WNT3A: variants seen among roughly 807,000 people sequenced by gnomAD.
The protein encoded by WNT3A is Wnt family member 3A.
In WNT3A, 17 loss-of-function variants were observed where a neutral mutation model predicts 37.0. That is an observed-to-expected ratio of 0.46 (90% CI 0.31 to 0.69). The LOEUF (loss-of-function observed/expected upper bound fraction) is 0.69. Among genes scored for constraint, WNT3A ranks in the 30% least tolerant of loss-of-function variants. WNT3A has a pLI of 0.05. For missense variants in WNT3A, 411 were observed against 510.2 expected (o/e 0.81, Z 1.87); for synonymous variants, 187 against 211.0 (o/e 0.89, Z 0.99).
intron 3 of WNT3A, among the ~76,000 whole-genome samples, chr1:228,056,045 A>G (rs1021592711): frequency 1.3e-5 from 2 of 152,238 alleles, no homozygotes; most frequent in African/African-American, 4.8e-5. Flanking sequence ...AGGATGGAAG[A>G]TTCTGCTCTG....
At position 228,060,572 on chromosome 1, in the gene WNT3A, G is replaced by C. The variant is rs2031783809; in HGVS notation, c.*1107G>C. ...CTCCCAAAGAGGCCCGCCCTGCCCG[G>C]GCTCCCACACCGTCAGGTACTCCTG... On this transcript the variant is annotated 3_prime_UTR_variant, in exon 4 of 4. Coordinates refer to ENST00000284523, the MANE Select transcript of WNT3A (RefSeq NM_033131.4). 1 of 257,540 alleles carries C rather than the reference G, an allele frequency of 3.9e-6. No homozygotes were observed. Among genetic ancestry groups the C allele is most frequent in the Non-Finnish European group, 7.9e-6 (1 of 126,630 alleles). The allele number at this position is 257,540 out of a possible 1,614,324, so 16.0% of individuals were successfully genotyped here.
At chr1:228,048,097 C>T (rs576301355) in intron 2 of WNT3A, among the ~76,000 whole-genome samples, 2 of 152,288 alleles carry the variant, frequency 1.3e-5, no homozygotes, top group African/African-American at 4.8e-5. Context: ...CCATTGCAGG[C>T]CTCTGCCAAG....
intron 2 of WNT3A, among the ~76,000 whole-genome samples, chr1:228,027,979 T>C (rs1471605224): frequency 2.0e-5 from 3 of 152,226 alleles, no homozygotes; most frequent in African/African-American, 7.2e-5. Flanking sequence ...TCCAGTTTCA[T>C]TCACCTACAT....
chr1:228,046,776 G>C (rs1419368102), intron 2 of WNT3A, among the ~76,000 whole-genome samples: 1 of 150,062 alleles, frequency 6.7e-6, no homozygotes, highest in African/African-American at 2.5e-5. Flanking sequence ...GGGTGTGCAT[G>C]TGTGTGCATG....
chr1:228,055,105 G>T (rs1246384319), intron 3 of WNT3A, among the ~76,000 whole-genome samples: 1 of 137,358 alleles, frequency 7.3e-6, no homozygotes, highest in East Asian at 2.1e-4. Context: ...TTACACTCCA[G>T]CCTGGGCAGT....
chr1:228,036,761 G>A (rs561909451), intron 2 of WNT3A, among the ~76,000 whole-genome samples: 13 of 152,194 alleles, frequency 8.5e-5, no homozygotes, highest in Non-Finnish European at 1.8e-4. Flanking sequence ...TTGACCCCTG[G>A]CAAGGTAAAG....
rs2030272323 is a variant in WNT3A, at chr1:228,008,531, C to G, written c.71+1332C>G. 6.6e-6 allele frequency among the ~76,000 whole-genome samples: 1 copy of G among 152,128 alleles called. No individual in the cohort carries two copies. Among genetic ancestry groups the G allele is most frequent in the Admixed American group, 6.5e-5 (1 of 15,288 alleles). On this transcript the variant is annotated intron_variant, in intron 1 of 3. Coordinates refer to ENST00000284523, the MANE Select transcript of WNT3A (RefSeq NM_033131.4). The surrounding 1 kb of genome is among the most constrained non-coding windows in gnomAD (Gnocchi z 4.9). ...GCGCTTCGGGGACCCCCGCGCGCCC[C>G]TATTTCCGCGTGCCCCATTTCCCGT...
rs1348464766 is a variant in WNT3A at position 228,008,791 on chromosome 1, C to T, written c.71+1592C>T. ...CCCGCGCCCTTCCCATAAATGTCGC[C>T]AGCCTCCTGGCAACCCCGCGCCCTA... is the stretch of plus-strand genomic sequence containing the variant. On this transcript the variant is annotated intron_variant, in intron 1 of 3. Coordinates refer to ENST00000284523, the MANE Select transcript of WNT3A (RefSeq NM_033131.4). The surrounding 1 kb of genome is among the most constrained non-coding windows in gnomAD (Gnocchi z 4.9). 6.6e-6 allele frequency among the ~76,000 whole-genome samples: 1 copy of T among 152,166 alleles called. No individual in the cohort carries two copies. Among genetic ancestry groups the T allele is most frequent in the African/African-American group, 2.4e-5 (1 of 41,450 alleles).
chr1:228,037,640 T>TCGGA lies in WNT3A; in HGVS notation c.314-13015_314-13012dup, dbSNP rs1255315451. On this transcript the variant is annotated intron_variant, in intron 2 of 3. Coordinates refer to ENST00000284523, the MANE Select transcript of WNT3A (RefSeq NM_033131.4). The surrounding 1 kb of genome is among the most constrained non-coding windows in gnomAD (Gnocchi z 4.1). ...AGGTTGCGACCCCTGACCCCCCCCA[T>TCGGA]CGGAAAGTGTTGCCGTTTAAGATGC... 6.6e-6 allele frequency among the ~76,000 whole-genome samples: 1 copy of TCGGA among 152,060 alleles called. No homozygotes were observed. The highest frequency in any genetic ancestry group is 2.4e-5 in the African/African-American group (1 of 41,422).
At chr1:228,016,185 C>T (rs915895081) in intron 1 of WNT3A, among the ~76,000 whole-genome samples, 1 of 152,132 alleles carries the variant, frequency 6.6e-6, no homozygotes, top group Non-Finnish European at 1.5e-5. Context: ...GGACTCAACC[C>T]AAGGGAGCCC....
intron 3 of WNT3A, among the ~76,000 whole-genome samples, chr1:228,054,921 C>T (rs964674102): frequency 1.2e-4 from 16 of 129,846 alleles, no homozygotes; most frequent in Non-Finnish European, 1.3e-4. Context: ...TTTGGGAGGC[C>T]GAGGCGAGTT....
In WNT3A at chr1:228,060,391, G is replaced by A; in HGVS notation, c.*926G>A. Reference sequence around the variant, plus strand: ...TTTGGAATGCTCCAGGCGCGCCGACGCCTGTGCCACCCCTTCCTCAGCCTG... The same window carrying A: ...TTTGGAATGCTCCAGGCGCGCCGACACCTGTGCCACCCCTTCCTCAGCCTG... On this transcript the variant is annotated 3_prime_UTR_variant, in exon 4 of 4. Coordinates refer to ENST00000284523, the MANE Select transcript of WNT3A (RefSeq NM_033131.4). The A allele has an allele frequency of 9.6e-7, 1 of 1,038,124 alleles. No individual in the cohort carries two copies. Among genetic ancestry groups the A allele is most frequent in the South Asian group, 1.3e-5 (1 of 76,032 alleles). The allele number at this position is 1,038,124 out of a possible 1,614,324, so 64.3% of individuals were successfully genotyped here. A position where few individuals can be genotyped will look rare whatever the true frequency, so the allele number is the denominator to read the frequency against.
intron 3 of WNT3A, among the ~76,000 whole-genome samples, chr1:228,054,470 CA>C (rs752968369): frequency 6.6e-6 from 1 of 150,420 alleles, no homozygotes; most frequent in Admixed American, 6.6e-5. Context: ...TAAAAAATAA[CA>C]AAAAAAATTA....
At chr1:228,015,485 G>A (rs2030497415) in intron 1 of WNT3A, among the ~76,000 whole-genome samples, 1 of 152,192 alleles carries the variant, frequency 6.6e-6, no homozygotes, top group Admixed American at 6.5e-5. Context: ...AGAGGGGAGA[G>A]GGAATGAATT....
At chr1:228,046,266 G>T (rs2031402571) in intron 2 of WNT3A, among the ~76,000 whole-genome samples, 2 of 152,372 alleles carry the variant, frequency 1.3e-5, no homozygotes, top group South Asian at 4.1e-4. Flanking sequence ...AGGTGTGCAT[G>T]TGTGTGCATG....
intron 2 of WNT3A, among the ~76,000 whole-genome samples, chr1:228,036,314 G>A (rs1007399157): frequency 2.0e-5 from 3 of 152,160 alleles, no homozygotes; most frequent in Non-Finnish European, 4.4e-5. Context: ...TGTGAGGGGT[G>A]CATGTGTGTG....
At chr1:228,011,875 G>A (rs2030382362) in intron 1 of WNT3A, among the ~76,000 whole-genome samples, 1 of 152,186 alleles carries the variant, frequency 6.6e-6, no homozygotes, top group South Asian at 2.1e-4. Context: ...CACACGTCAA[G>A]TGTCTGCAAC....
Position 228,031,575 on chromosome 1 carries a change from G to A in WNT3A, c.313+8667G>A, listed in dbSNP as rs1356282414. ...TGTGTCATGTGTGCACATGCATGTGGTGTGTGGGGTGTGTGCCTGTGCATG... is the reference window on the plus strand; with the variant it reads ...TGTGTCATGTGTGCACATGCATGTGATGTGTGGGGTGTGTGCCTGTGCATG... On this transcript the variant is annotated intron_variant, in intron 2 of 3. Transcript: ENST00000284523. This position sits in a 1 kb window ranked among gnomAD's most constrained non-coding sequence, Gnocchi z 4.8. 1.3e-5 allele frequency among the ~76,000 whole-genome samples: 2 copies of A among 152,146 alleles called. No homozygotes were observed. The highest frequency in any genetic ancestry group is 2.4e-5 in the African/African-American group (1 of 41,424).
At chr1:228,054,758 A>G (rs1254752705) in intron 3 of WNT3A, among the ~76,000 whole-genome samples, 1 of 151,686 alleles carries the variant, frequency 6.6e-6, no homozygotes, top group African/African-American at 2.4e-5. Context: ...GAATTCAGAC[A>G]ATGGAATTAT....
Sources: allele counts gnomAD v4.1 joint callset (sites outside exome capture counted in the v4.1 genomes callset), GRCh38; gene constraint gnomAD v4.1.1; non-coding constraint Gnocchi (gnomAD v3.1); transcripts MANE v1.5; gene names NCBI Gene and HGNC (gene_info 2026-07-23, HGNC 2026-07-21).